DIP2A: variants seen among roughly 807,000 people sequenced by gnomAD.
DIP2A encodes the protein DIP2 acetate--CoA ligase A.
DIP2A carries 85 observed loss-of-function variants against 177.4 expected under a neutral mutation model. That is an observed-to-expected ratio of 0.48 (90% confidence interval 0.40 to 0.57). The LOEUF is 0.57. Ranked by LOEUF, DIP2A falls within the 20% of genes least tolerant of loss-of-function variation. The probability of loss-of-function intolerance (pLI) is 0.00; values close to 1 mark genes in which losing one functional copy is unlikely to be tolerated. For synonymous variants in DIP2A, 886 were observed against 881.8 expected, an observed-to-expected ratio of 1.00 and a Z score of -0.08; for missense variants, 1,791 against 2,100.2, an observed-to-expected ratio of 0.85 and a Z score of 2.88.
chr21:46,560,472 A>G (rs2060626675), intron 32 of DIP2A, among the ~76,000 whole-genome samples: 1 of 152,238 alleles, frequency 6.6e-6, no homozygotes, highest in South Asian at 2.1e-4. Flanking sequence ...GTAAAGTGGC[A>G]TGATTTGGTG....
chr21:46,504,682 T>C (rs1031203019), intron 6 of DIP2A, among the ~76,000 whole-genome samples, 193 bp downstream of exon 6: 7 of 152,236 alleles, frequency 4.6e-5, no homozygotes, highest in African/African-American at 1.7e-4. Flanking sequence ...ATTGGAAATA[T>C]CAATGGAATT....
chr21:46,533,502 A>G, intron 10 of DIP2A, 22 bp from the exon 11 acceptor site: 1 of 1,609,574 alleles, frequency 6.2e-7, no homozygotes, highest in Non-Finnish European at 8.5e-7. Flanking sequence ...CCCACCCCAC[A>G]CGGTCACTCT....
intron 21 of DIP2A, among the ~76,000 whole-genome samples, chr21:46,548,051 G>A (rs953714588): frequency 2.0e-5 from 3 of 152,240 alleles, no homozygotes; most frequent in East Asian, 1.9e-4. Flanking sequence ...TAAAGCAATC[G>A]TGAGGGGATT....
intron 8 of DIP2A, among the ~76,000 whole-genome samples, chr21:46,520,672 G>C (rs1191443729): frequency 2.0e-5 from 3 of 152,180 alleles, no homozygotes; most frequent in Non-Finnish European, 4.4e-5. Context: ...AATTGACTAG[G>C]AATTTTGATT....
chr21:46,520,447 C>T (rs1306816926), intron 8 of DIP2A, among the ~76,000 whole-genome samples: 2 of 152,204 alleles, frequency 1.3e-5, no homozygotes, highest in East Asian at 1.9e-4. Context: ...AACTCCTGTT[C>T]GATATTCATG....
chr21:46,474,081 A>C (rs935067077), intron 1 of DIP2A, among the ~76,000 whole-genome samples: 1 of 152,122 alleles, frequency 6.6e-6, no homozygotes, highest in Non-Finnish European at 1.5e-5. Context: ...GTCTGGACAG[A>C]GCTGAGCCAA....
At chr21:46,580,540 C>A in the DIP2A span, among the ~76,000 whole-genome samples, 5 of 152,186 alleles carry the variant, frequency 3.3e-5, no homozygotes, top group African/African-American at 1.2e-4. Flanking sequence ...TTCACAGTGT[C>A]ACTGGTCTGT....
At chr21:46,558,607 A>C (rs2060556785) in intron 32 of DIP2A, 3 of 595,096 alleles carry the variant, frequency 5.0e-6, no homozygotes, top group Non-Finnish European at 8.9e-6. Context: ...TGGAAAAAAA[A>C]CACATTGTTT....
intron 21 of DIP2A, among the ~76,000 whole-genome samples, chr21:46,548,713 A>G (rs1320511173): frequency 6.6e-6 from 1 of 151,852 alleles, no homozygotes; most frequent in African/African-American, 2.4e-5. Flanking sequence ...GCTGGTGTCC[A>G]GATAGCAGAC....
At chr21:46,546,842 G>T in intron 20 of DIP2A, 73 bp from the exon 21 acceptor site, 3 of 1,564,252 alleles carry the variant, frequency 1.9e-6, no homozygotes, top group South Asian at 2.3e-5. Context: ...TTCTTGGGGG[G>T]CCTGACCATG....
rs1368134511 is a variant in DIP2A at position 46,498,215 on chromosome 21, A to G, written c.404-367A>G. Among the ~76,000 whole-genome samples the G allele has an allele frequency of 6.6e-6, 1 of 152,040 alleles. No individual in the cohort carries two copies. Among genetic ancestry groups the G allele is most frequent in the African/African-American group, 2.4e-5 (1 of 41,392 alleles). The stretch of plus-strand genomic sequence containing the variant: ...GGGTGATGCTGACTGATGTGTGGAT[A>G]TGGTGTCCGACTCTGTGGACATGCA... On this transcript the variant is annotated intron_variant, in intron 4 of 37. Coordinates refer to ENST00000417564, the MANE Select transcript of DIP2A (RefSeq NM_015151.4). This position sits in a 1 kb window ranked among gnomAD's most constrained non-coding sequence, Gnocchi z 4.3.
At chr21:46,470,634 G>C (rs2055280187) in intron 1 of DIP2A, among the ~76,000 whole-genome samples, 1 of 152,086 alleles carries the variant, frequency 6.6e-6, no homozygotes, top group South Asian at 2.1e-4. Flanking sequence ...AGGTGGGTGT[G>C]GTGGCGCATG....
chr21:46,581,542 T>G, the DIP2A span, among the ~76,000 whole-genome samples: 2 of 152,058 alleles, frequency 1.3e-5, no homozygotes, highest in African/African-American at 4.8e-5. Context: ...GCTTTTTGAG[T>G]TTTCAGCGTT....
chr21:46,503,398 A>G (rs966165787), intron 5 of DIP2A, among the ~76,000 whole-genome samples: 5 of 151,300 alleles, frequency 3.3e-5, no homozygotes, highest in South Asian at 2.1e-4. Flanking sequence ...CAGTGGGGGA[A>G]GTTTTAATTT....
At position 46,535,100 on chromosome 21, in the gene DIP2A, TTA is replaced by T. The variant is rs546980134; in HGVS notation, c.1642+414_1642+415del. On this transcript the variant is annotated intron_variant, in intron 13 of 37. Coordinates refer to ENST00000417564, the MANE Select transcript of DIP2A (RefSeq NM_015151.4). ...TTCATTCAAAAAGAGGAAAACACTT[TTA>T]GTTTTCTATTACTTTATCTATGACT... Among the ~76,000 whole-genome samples the T allele has an allele frequency of 4.6e-5, 7 of 152,338 alleles. No homozygotes were observed. In the South Asian group the frequency reaches 1.5e-3, roughly 32 times the overall value.
intron 31 of DIP2A, among the ~76,000 whole-genome samples, 162 bp from the exon 32 acceptor site, chr21:46,558,061 A>G (rs1254103642): frequency 1.3e-5 from 2 of 152,168 alleles, no homozygotes; most frequent in South Asian, 4.1e-4. Context: ...CGTTTAGCGC[A>G]TCCACACGTA....
intron 8 of DIP2A, among the ~76,000 whole-genome samples, chr21:46,526,154 C>G (rs1045126505): frequency 3.9e-5 from 6 of 151,930 alleles, no homozygotes; most frequent in African/African-American, 1.5e-4. Flanking sequence ...AGGTGATCCA[C>G]CTGCCTTGGC....
chr21:46,581,666 T>G, the DIP2A span, among the ~76,000 whole-genome samples: 1 of 152,178 alleles, frequency 6.6e-6, no homozygotes, highest in Non-Finnish European at 1.5e-5. Flanking sequence ...GTTGTTGCTT[T>G]CTTTCTTTTA....
chr21:46,558,343 G>A lies in DIP2A; in HGVS notation c.3919G>A (p.Ala1307Thr), dbSNP rs867649517. Residue 1307 changes from alanine (A) to threonine (T), a missense_variant, in exon 32 of 38, where the codon GCC (alanine) becomes ACC (threonine). By Grantham distance (58) the Ala-to-Thr change is moderately conservative (BLOSUM62 0). Coordinates refer to ENST00000417564, the MANE Select transcript of DIP2A (RefSeq NM_015151.4). Reference protein sequence around the residue: ...LFKDLGLPARAVSTTFGCRVN... With the variant: ...LFKDLGLPARTVSTTFGCRVN... ...CAAGGACCTGGGCCTGCCGGCCCGC[G>A]CCGTAAGCACCACGTTCGGGTGCAG... The A allele has an allele frequency of 7.5e-6, 12 of 1,607,002 alleles. No individual in the cohort carries two copies. The highest frequency in any genetic ancestry group is 1.6e-4 in the Middle Eastern group (1 of 6,074).
Sources: allele counts gnomAD v4.1 joint callset (sites outside exome capture counted in the v4.1 genomes callset), GRCh38; gene constraint gnomAD v4.1.1; non-coding constraint Gnocchi (gnomAD v3.1); transcripts MANE v1.5; gene names NCBI Gene and HGNC (gene_info 2026-07-23, HGNC 2026-07-21).